CPA6: variants seen among roughly 807,000 people sequenced by gnomAD.
CPA6 encodes carboxypeptidase B.
A neutral mutation model predicts 63.3 loss-of-function variants in CPA6; 58 were observed. The ratio of observed to expected loss-of-function variants is 0.92; its 90% CI spans 0.74 to 1.14. The LOEUF (loss-of-function observed/expected upper bound fraction) is 1.14. Ranked by LOEUF, CPA6 falls within the 50% of genes most tolerant of loss-of-function variation. The probability of loss-of-function intolerance (pLI) is 0.00; values close to 1 mark genes in which losing one functional copy is unlikely to be tolerated. For synonymous variants in CPA6, 185 were observed against 179.0 expected (o/e 1.03, Z -0.27); for missense variants, 565 against 526.6 (o/e 1.07, Z -0.71).
intron 8 of CPA6, among the ~76,000 whole-genome samples, chr8:67,474,154 A>T (rs979303048): frequency 3.3e-5 from 5 of 152,180 alleles, no homozygotes; most frequent in Non-Finnish European, 7.4e-5. Flanking sequence ...CGCACCAAAG[A>T]GGTAGAACCT....
At chr8:67,699,148 T>C (rs190953738) in intron 1 of CPA6, among the ~76,000 whole-genome samples, 48 of 152,330 alleles carry the variant, frequency 3.2e-4, no homozygotes, top group African/African-American at 1.2e-3. Flanking sequence ...CCAGGTTTAG[T>C]GGCTCACGCC....
intron 6 of CPA6, among the ~76,000 whole-genome samples, chr8:67,498,714 T>C (rs1348611157): frequency 6.6e-6 from 1 of 152,130 alleles, no homozygotes; most frequent in Non-Finnish European, 1.5e-5. Flanking sequence ...AAATATCATA[T>C]GATATTGGTA....
chr8:67,582,038 C>T (rs1320363107), intron 2 of CPA6, among the ~76,000 whole-genome samples: 1 of 152,010 alleles, frequency 6.6e-6, no homozygotes. Context: ...CCTAAAACAT[C>T]TTTGGTTGTG....
At chr8:67,696,930 A>G (rs1436207023) in intron 1 of CPA6, among the ~76,000 whole-genome samples, 9 of 152,334 alleles carry the variant, frequency 5.9e-5, no homozygotes, top group African/African-American at 1.7e-4. Context: ...CAGCTGCCCA[A>G]CTAAATACAT....
chr8:67,579,975 C>T (rs774058195), intron 2 of CPA6, among the ~76,000 whole-genome samples: 5 of 152,044 alleles, frequency 3.3e-5, no homozygotes, highest in Admixed American at 1.3e-4. Flanking sequence ...CCTAAATAAA[C>T]GAACATTGCA....
chr8:67,733,846 C>CTTTTTTT (rs10696053), intron 1 of CPA6, among the ~76,000 whole-genome samples: 9 of 94,926 alleles, frequency 9.5e-5, no homozygotes, highest in Non-Finnish European at 9.8e-5. Flanking sequence ...GCTGCATCGT[C>CTTTTTTT]TTTTTTTTTT....
intron 10 of CPA6, among the ~76,000 whole-genome samples, chr8:67,426,059 C>G (rs1156283666): frequency 6.6e-6 from 1 of 152,070 alleles, no homozygotes; most frequent in Non-Finnish European, 1.5e-5. Context: ...ACCTCTGCCT[C>G]CCTGATTCAA....
At chr8:67,429,517 A>C (rs1175752807) in intron 9 of CPA6, 5 of 152,174 alleles carry the variant, frequency 3.3e-5, no homozygotes, top group African/African-American at 1.2e-4. Context: ...CAGTATTTGC[A>C]GCAAATGCCA....
At chr8:67,673,918 G>A (rs545559086) in intron 1 of CPA6, among the ~76,000 whole-genome samples, 103 of 152,234 alleles carry the variant, frequency 6.8e-4, no homozygotes, top group South Asian at 1.9e-3. Flanking sequence ...ATTCTAGAAA[G>A]AGTTGCTTTA....
chr8:67,653,954 G>A (rs1344640937), intron 1 of CPA6, among the ~76,000 whole-genome samples: 5 of 151,302 alleles, frequency 3.3e-5, no homozygotes, highest in East Asian at 3.9e-4. Context: ...AGCATGAAGC[G>A]TTGTTGAATT....
chr8:67,551,682 C>A lies in CPA6; in HGVS notation c.193-33635G>T, dbSNP rs549757234. On this transcript the variant is annotated intron_variant, in intron 2 of 10. Coordinates refer to ENST00000297770, the MANE Select transcript of CPA6 (RefSeq NM_020361.5). The stretch of plus-strand genomic sequence containing the variant: ...GGAATGTTTTTCCATTTGTTTATAT[C>A]ATCTATGATTTCTTTTCGCAGTGTT... Among the ~76,000 whole-genome samples, 16 of 152,268 alleles carry A rather than the reference C, an allele frequency of 1.1e-4. No homozygotes were observed. In the South Asian group the frequency reaches 3.3e-3, roughly 32 times the overall value.
intron 8 of CPA6, among the ~76,000 whole-genome samples, chr8:67,459,868 T>G (rs954302157): frequency 1.3e-5 from 2 of 152,298 alleles, no homozygotes; most frequent in South Asian, 4.1e-4. Context: ...TTTTATCCAT[T>G]GTAATACATG....
intron 2 of CPA6, among the ~76,000 whole-genome samples, chr8:67,557,974 T>C (rs1813106729): frequency 6.6e-6 from 1 of 152,180 alleles, no homozygotes; most frequent in South Asian, 2.1e-4. Context: ...GGCTTCCCAT[T>C]GCCCTTAGAA....
intron 8 of CPA6, among the ~76,000 whole-genome samples, chr8:67,447,126 A>G (rs965650474): frequency 2.0e-5 from 3 of 151,642 alleles, no homozygotes; most frequent in Admixed American, 6.6e-5. Flanking sequence ...ACACACACAC[A>G]TATATATATA....
At position 67,692,827 on chromosome 8, in the gene CPA6, G is replaced by A. The variant is rs73683175; in HGVS notation, c.116+53187C>T. 2.4e-3 allele frequency among the ~76,000 whole-genome samples: 365 copies of A among 152,268 alleles called. 1 individual carries two copies. Among genetic ancestry groups the A allele is most frequent in the African/African-American group, 8.6e-3 (356 of 41,558 alleles). ...TCAAATTGGGGCACAGATAATGAGT[G>A]CAAATTAATACCCAAGGTAGCTCAT... is the stretch of plus-strand genomic sequence containing the variant. On this transcript the variant is annotated intron_variant, in intron 1 of 10. Transcript: ENST00000297770.
intron 6 of CPA6, among the ~76,000 whole-genome samples, chr8:67,492,379 T>A (rs1227223500): frequency 6.6e-6 from 1 of 152,168 alleles, no homozygotes; most frequent in Non-Finnish European, 1.5e-5. Context: ...AGTATGGCAA[T>A]CTGCCAAGGC....
intron 8 of CPA6, among the ~76,000 whole-genome samples, chr8:67,459,210 A>G (rs1782936381): frequency 6.6e-6 from 1 of 152,164 alleles, no homozygotes; most frequent in South Asian, 2.1e-4. Context: ...TTTTTAGTAG[A>G]GATGGGGTTT....
At chr8:67,726,145 T>A (rs893873099) in intron 1 of CPA6, among the ~76,000 whole-genome samples, 1 of 152,178 alleles carries the variant, frequency 6.6e-6, no homozygotes, top group Non-Finnish European at 1.5e-5. Flanking sequence ...GAAAAATAAT[T>A]TTTATTCAGA....
In CPA6 at chr8:67,676,571, C is replaced by CAGCT. The variant is rs1217106641; in HGVS notation, c.117-52324_117-52321dup. Among the ~76,000 whole-genome samples the CAGCT allele has an allele frequency of 4.6e-5, 7 of 152,322 alleles. No homozygotes were observed. In the East Asian group the frequency reaches 1.4e-3, roughly 29 times the overall value. On this transcript the variant is annotated intron_variant, in intron 1 of 10. Coordinates refer to ENST00000297770, the MANE Select transcript of CPA6 (RefSeq NM_020361.5). ...CCATTTAGCTTTCAACTTGGACACTCAGCTGCACTATAAAACTTTTATAGA... is the reference window on the plus strand; with the variant it reads ...CCATTTAGCTTTCAACTTGGACACTCAGCTAGCTGCACTATAAAACTTTTATAGA...
Sources: gnomAD v4.1 joint callset for allele counts (sites outside exome capture counted in the v4.1 genomes callset) on GRCh38, gnomAD v4.1.1 for gene constraint, MANE v1.5 for transcripts, NCBI Gene and HGNC (gene_info 2026-07-23, HGNC 2026-07-21) for gene names.